The following EMILIN3 variants were observed in gnomAD, a reference collection of about 807,000 sequenced individuals.
The protein encoded by EMILIN3 is EMILIN-3.
In EMILIN3, 38 loss-of-function variants were observed where a neutral mutation model predicts 42.8. The observed-to-expected ratio is 0.89, with a 90% CI of 0.69 to 1.16. The LOEUF (loss-of-function observed/expected upper bound fraction) is 1.16, where lower values mean the gene tolerates loss of function less well. Among genes scored for constraint, EMILIN3 ranks in the 50% most tolerant of loss-of-function variants. EMILIN3 has a pLI of 0.00. For missense variants in EMILIN3, 924 were observed against 999.5 expected (o/e 0.92, Z 1.02); for synonymous variants, 430 against 440.5 (o/e 0.98, Z 0.30).
rs369841064 is a variant in EMILIN3 at position 41,362,174 on chromosome 20, G to A, written c.1395C>T (p.Gly465=). The A allele has an allele frequency of 3.1e-6, 5 of 1,612,374 alleles. No homozygotes were observed. Among genetic ancestry groups the A allele is most frequent in the Non-Finnish European group, 4.2e-6 (5 of 1,179,390 alleles). Reference sequence around the variant, plus strand: ...CGCGCTCTTCCAGCATGGTCCCAAAGCCGCCCACTCCCCACCCCCCCATGT... The same window carrying A: ...CGCGCTCTTCCAGCATGGTCCCAAAACCGCCCACTCCCCACCCCCCCATGT... ...RLDMGGWGVG[G]FGTMLEERVQ... is the part of the protein sequence containing the mutation. Residue 465 remains glycine, a synonymous_variant, in exon 4 of 4, where the codon GGC becomes GGT. Transcript: ENST00000332312.
Position 41,361,329 on chromosome 20 carries a change from T to G in EMILIN3, c.2240A>C (p.Asp747Ala). 1 of 1,610,530 alleles carries G rather than the reference T, an allele frequency of 6.2e-7. No homozygotes were observed. The highest frequency in any genetic ancestry group is 1.1e-5 in the South Asian group (1 of 90,904). The change falls in exon 4 of 4, where the codon GAT becomes GCT. Residue 747 changes from aspartate (D) to alanine (A), a missense_variant. Coordinates refer to ENST00000332312, the MANE Select transcript of EMILIN3 (RefSeq NM_052846.2). ...CTGGGCCTGGCAGTCCAGTAGGTCA[T>G]CCCGGAGGCGGGCAATGTCCTGCGT... ...QHTQDIARLR[D>A]DLLDCQAQLA... is the part of the protein sequence containing the mutation.
chr20:41,362,412 C>T lies in EMILIN3; in HGVS notation c.1157G>A (p.Gly386Glu). ...LSVSGRGSCC[G>E]QLALINARMD... ...ACGGGCATTGATCAAGGCTAGTTGCCCACAGCAGCTGCCCCTGCCAGACAC... is the reference window on the plus strand; with the variant it reads ...ACGGGCATTGATCAAGGCTAGTTGCTCACAGCAGCTGCCCCTGCCAGACAC... The change falls in exon 4 of 4, where the codon GGG becomes GAG. Residue 386 changes from glycine to glutamate, a missense_variant. By Grantham distance (98) the Gly-to-Glu change is moderately conservative (BLOSUM62 -2). Coordinates refer to ENST00000332312, the MANE Select transcript of EMILIN3 (RefSeq NM_052846.2). 6.2e-7 allele frequency: 1 copy of T among 1,602,124 alleles called. No homozygotes were observed. Among genetic ancestry groups the T allele is most frequent in the Non-Finnish European group, 8.5e-7 (1 of 1,179,942 alleles).
rs752297727 is a variant in EMILIN3 at position 41,361,874 on chromosome 20, C to T, written c.1695G>A (p.Val565=). The T allele has an allele frequency of 2.5e-6, 4 of 1,613,562 alleles. No homozygotes were observed. In the Admixed American group the frequency reaches 5.0e-5, roughly 20 times the overall value. ...AALLQQLNGT[V]AEVQGQLAEG... ...CTGCCAGCTGTCCCTGGACCTCGGC[C>T]ACAGTGCCATTGAGCTGCTGGAGCA... Residue 565 remains valine (V), a synonymous_variant, in exon 4 of 4, where the codon GTG becomes GTA. Coordinates refer to ENST00000332312, the MANE Select transcript of EMILIN3 (RefSeq NM_052846.2).
chr20:41,366,255 C>G lies in EMILIN3; in HGVS notation c.167+213G>C, dbSNP rs1252383063. Among the ~76,000 whole-genome samples, 4 of 151,692 alleles carry G rather than the reference C, an allele frequency of 2.6e-5. No homozygotes were observed. The highest frequency in any genetic ancestry group is 5.9e-5 in the Non-Finnish European group (4 of 67,840). On this transcript the variant is annotated intron_variant, in intron 1 of 3. Coordinates refer to ENST00000332312, the MANE Select transcript of EMILIN3 (RefSeq NM_052846.2). The surrounding 1 kb of genome is among the most constrained non-coding windows in gnomAD (Gnocchi z 4.2). The stretch of plus-strand genomic sequence containing the variant: ...AGGATCCCAAGCCGCCGCGCCAGGC[C>G]CCCTCGGTTCCTTTTTCCTCGCCAG...
At position 41,360,873 on chromosome 20, in the gene EMILIN3, C is replaced by T. The variant is rs2046351916; in HGVS notation, c.*395G>A. 3 of 242,300 alleles carry T rather than the reference C, an allele frequency of 1.2e-5. No homozygotes were observed. The highest frequency in any genetic ancestry group is 9.3e-5 in the South Asian group (1 of 10,750). 15.0% of individuals were successfully genotyped at this position (242,300 alleles called of 1,614,324 possible). On this transcript the variant is annotated 3_prime_UTR_variant, in exon 4 of 4. Coordinates refer to ENST00000332312, the MANE Select transcript of EMILIN3 (RefSeq NM_052846.2). ...CTCTGCACAGTTGCTGAGGCTGGTG[C>T]TGACTGCCTGCAGGGTCCTCTCAAG... is the stretch of plus-strand genomic sequence containing the variant.
At chr20:41,365,239 G>C in intron 1 of EMILIN3, 82 bp from the exon 2 acceptor site, 1 of 1,550,114 alleles carries the variant, frequency 6.5e-7, no homozygotes, top group Non-Finnish European at 8.7e-7. Flanking sequence ...CCATCTGTGG[G>C]CCTCAGCAGG....
In EMILIN3 at chr20:41,361,737, G is replaced by C. The variant is rs61739314; in HGVS notation, c.1832C>G (p.Ala611Gly). The change falls in exon 4 of 4, where the codon GCC (alanine) becomes GGC (glycine). Residue 611 changes from alanine (A) to glycine (G), a missense_variant. Ala to Gly is a moderately conservative substitution (Grantham distance 60, BLOSUM62 0). Transcript: ENST00000332312. The part of the protein sequence containing the change: ...LSDSVSQYSD[A>G]FLAANTSLDE... ...CAGGGACGTGTTGGCAGCCAAGAAGGCATCAGAGTACTGGCTGACAGAGTC... is the reference window on the plus strand; with the variant it reads ...CAGGGACGTGTTGGCAGCCAAGAAGCCATCAGAGTACTGGCTGACAGAGTC... The C allele has an allele frequency of 0.033, 53,167 of 1,613,354 alleles. 1,060 individuals are homozygous for C. Among genetic ancestry groups the C allele is most frequent in the Admixed American group, 0.067 (3,995 of 60,022 alleles).
chr20:41,362,195 C>CA lies in EMILIN3; in HGVS notation c.1373dup (p.Met458IlefsTer34). 1 of 1,613,982 alleles carries CA rather than the reference C, an allele frequency of 6.2e-7. No homozygotes were observed. The highest frequency in any genetic ancestry group is 1.1e-5 in the South Asian group (1 of 91,064). ...CAAAGCCGCCCACTCCCCACCCCCC[C>CA]ATGTCCAACCTCAGACAGCATCCCC... On this transcript the variant is annotated frameshift_variant, in exon 4 of 4. Coordinates refer to ENST00000332312, the MANE Select transcript of EMILIN3 (RefSeq NM_052846.2). LOFTEE classifies it high-confidence loss of function.
rs140464305 is a variant in EMILIN3 at position 41,362,869 on chromosome 20, C to T, written c.700G>A (p.Val234Met). The change falls in exon 4 of 4, where the codon GTG becomes ATG. Residue 234 changes from valine (V) to methionine (M), a missense_variant. By Grantham distance (21) the Val-to-Met change is conservative. Transcript: ENST00000332312. ...VGFGVIPEGL[V>M]GPGDRARGPL... The stretch of plus-strand genomic sequence containing the variant: ...CCTCTGGCTCTGTCTCCTGGGCCCA[C>T]AAGCCCCTCAGGGATGACCCCAAAG... The T allele has an allele frequency of 1.2e-6, 2 of 1,613,794 alleles. No individual in the cohort carries two copies. Among genetic ancestry groups the T allele is most frequent in the African/African-American group, 2.7e-5 (2 of 74,940 alleles).
At chr20:41,363,430 C>T (rs914043972) in intron 3 of EMILIN3, among the ~76,000 whole-genome samples, 5 of 152,332 alleles carry the variant, frequency 3.3e-5, no homozygotes, top group East Asian at 1.9e-4. Flanking sequence ...CATGAGCCAC[C>T]GCGCCCAGCC....
Position 41,366,479 on chromosome 20 carries a change from CG to C in EMILIN3, c.155del (p.Pro52ArgfsTer16). On this transcript the variant is annotated frameshift_variant, in exon 1 of 4. Transcript: ENST00000332312. LOFTEE classifies it high-confidence loss of function. The surrounding 1 kb of genome is among the most constrained non-coding windows in gnomAD (Gnocchi z 4.2). ...CCGCCCGCGCTTACTTGTGCGGCCC[CG>C]GGCGCAGCCGCGGGCGCCATCCCGT... ...YTTGWRPRLR[P>X]GPHKALCAYV... The C allele has an allele frequency of 8.8e-7, 1 of 1,142,784 alleles. No individual in the cohort carries two copies. The highest frequency in any genetic ancestry group is 1.1e-6 in the Non-Finnish European group (1 of 931,782). The allele number at this position is 1,142,784 out of a possible 1,614,324, so 70.8% of individuals were successfully genotyped here.
chr20:41,365,240 C>T, intron 1 of EMILIN3, 83 bp from the exon 2 acceptor site: 1 of 1,546,086 alleles, frequency 6.5e-7, no homozygotes, highest in Non-Finnish European at 8.8e-7. Flanking sequence ...CATCTGTGGG[C>T]CTCAGCAGGA....
Position 41,362,247 on chromosome 20 carries a change from G to A in EMILIN3, c.1322C>T (p.Thr441Met), listed in dbSNP as rs144234117. 109 of 1,612,920 alleles carry A rather than the reference G, an allele frequency of 6.8e-5. No individual in the cohort carries two copies. Among genetic ancestry groups the A allele is most frequent in the Middle Eastern group, 1.6e-4 (1 of 6,084 alleles). ...TGCTCCACCCTCTGTCCCATTGAGC[G>A]TCTCCAGACCCTCAAGCAGCCCGTC... ...GVDGLLEGLE[T>M]LNGTEGGARG... Residue 441 changes from threonine to methionine, a missense_variant, in exon 4 of 4, where the codon ACG becomes ATG. Physicochemically the swap from Thr to Met is moderately conservative, Grantham distance 81. Coordinates refer to ENST00000332312, the MANE Select transcript of EMILIN3 (RefSeq NM_052846.2).
chr20:41,362,716 G>A lies in EMILIN3; in HGVS notation c.853C>T (p.Arg285Trp), dbSNP rs751620027. The A allele has an allele frequency of 2.0e-5, 33 of 1,613,824 alleles. 1 individual carries two copies. The highest frequency in any genetic ancestry group is 6.7e-5 in the East Asian group (3 of 44,898). Residue 285 changes from arginine (R) to tryptophan (W), a missense_variant, in exon 4 of 4, where the codon CGG (arginine) becomes TGG (tryptophan). Physicochemically the swap from Arg to Trp is moderately radical, Grantham distance 101 (BLOSUM62 -3). Transcript: ENST00000332312. ...GGGGATGGTGGGGCTTCCCGCAGCC[G>A]CTGCAGGTGGGCCTCATGGCCAAGT... ...LALGHEAHLQ[R>W]LREAPPSPLT...
Position 41,362,349 on chromosome 20 carries a change from T to C in EMILIN3, c.1220A>G (p.Glu407Gly), listed in dbSNP as rs2046368508. The C allele has an allele frequency of 4.3e-6, 7 of 1,609,248 alleles. No homozygotes were observed. Among genetic ancestry groups the C allele is most frequent in the Non-Finnish European group, 5.9e-6 (7 of 1,179,952 alleles). The change falls in exon 4 of 4, where the codon GAG (glutamate) becomes GGG (glycine). Residue 407 changes from glutamate (E) to glycine (G), a missense_variant. Physicochemically the swap from Glu to Gly is moderately conservative, Grantham distance 98. Transcript: ENST00000332312. ...CGGGGCACCGGGGCCCCTTTGGGTC[T>C]CGGTGACTGCCTGCAGGGCCCTCTC... Reference protein sequence around the residue: ...GLERALQAVTETQRGPGAPAG... With the variant: ...GLERALQAVTGTQRGPGAPAG...
chr20:41,361,740 T>C lies in EMILIN3; in HGVS notation c.1829A>G (p.Asp610Gly), dbSNP rs777687718. Residue 610 changes from aspartate (D) to glycine (G), a missense_variant, in exon 4 of 4, where the codon GAT becomes GGT. Transcript: ENST00000332312. The part of the protein sequence containing the change: ...GLSDSVSQYS[D>G]AFLAANTSLD... ...GGACGTGTTGGCAGCCAAGAAGGCATCAGAGTACTGGCTGACAGAGTCACT... is the reference window on the plus strand; with the variant it reads ...GGACGTGTTGGCAGCCAAGAAGGCACCAGAGTACTGGCTGACAGAGTCACT... 1 of 1,613,546 alleles carries C rather than the reference T, an allele frequency of 6.2e-7. No individual in the cohort carries two copies. Among genetic ancestry groups the C allele is most frequent in the Non-Finnish European group, 8.5e-7 (1 of 1,179,902 alleles).
Position 41,361,510 on chromosome 20 carries a change from C to G in EMILIN3, c.2059G>C (p.Gly687Arg). ...DTAQKLQHTV[G>R]HFDQRVAQVE... ...TGTGCCACCCGCTGGTCAAAGTGTC[C>G]CACTGTGTGCTGAAGTTTCTGGGCT... is the stretch of plus-strand genomic sequence containing the variant. The change falls in exon 4 of 4, where the codon GGA becomes CGA. Residue 687 changes from glycine (G) to arginine (R), a missense_variant. Physicochemically the swap from Gly to Arg is moderately radical, Grantham distance 125. Transcript: ENST00000332312. The G allele has an allele frequency of 1.2e-6, 2 of 1,610,486 alleles. No individual in the cohort carries two copies. Among genetic ancestry groups the G allele is most frequent in the African/African-American group, 1.4e-5 (1 of 73,892 alleles).
rs1383676094 is a variant in EMILIN3, at chr20:41,361,984, T to C, written c.1585A>G (p.Ile529Val). 1 of 1,611,684 alleles carries C rather than the reference T, an allele frequency of 6.2e-7. No individual in the cohort carries two copies. Among genetic ancestry groups the C allele is most frequent in the African/African-American group, 1.3e-5 (1 of 74,900 alleles). The change falls in exon 4 of 4, where the codon ATC becomes GTC. Residue 529 changes from isoleucine (I) to valine (V), a missense_variant. Transcript: ENST00000332312. ...ACCTCTGCCACGAGGCTGTCCAGGA[T>C]GGCTGAGGTGGTGCTCGGGGTGCAC... ...TSCTPSTTSA[I>V]LDSLVAEVKA...
intron 2 of EMILIN3, among the ~76,000 whole-genome samples, chr20:41,364,557 T>C (rs1435925118): frequency 6.6e-6 from 1 of 152,174 alleles, no homozygotes; most frequent in Non-Finnish European, 1.5e-5. Flanking sequence ...TACAGAGCTG[T>C]GCATCCCATG....
Sources: gnomAD v4.1 joint callset for allele counts (sites outside exome capture counted in the v4.1 genomes callset) on GRCh38, gnomAD v4.1.1 for gene constraint, Gnocchi (gnomAD v3.1) non-coding constraint, MANE v1.5 for transcripts, NCBI Gene and HGNC (gene_info 2026-07-23, HGNC 2026-07-21) for gene names.